The following ACSM3 variants were observed in gnomAD, a reference collection of about 807,000 sequenced individuals.
ACSM3 encodes acyl-coenzyme A synthetase ACSM3, mitochondrial.
A neutral mutation model predicts 74.1 loss-of-function variants in ACSM3; 61 were observed. The observed-to-expected ratio is 0.82, with a 90% CI of 0.67 to 1.02. The LOEUF (loss-of-function observed/expected upper bound fraction) is 1.02, where lower values mean the gene tolerates loss of function less well. Ranked by LOEUF, ACSM3 falls within the 50% of genes least tolerant of loss-of-function variation. ACSM3 has a pLI of 0.00. For synonymous variants in ACSM3, 213 were observed against 241.5 expected (o/e 0.88, Z 1.09); for missense variants, 660 against 697.0 (o/e 0.95, Z 0.60).
At position 20,785,041 on chromosome 16, in the gene ACSM3, C is replaced by T. The variant is rs139667199; in HGVS notation, c.1077C>T (p.Asp359=). 5.8e-5 allele frequency: 93 copies of T among 1,613,556 alleles called. 1 individual carries two copies. Among genetic ancestry groups the T allele is most frequent in the Non-Finnish European group, 6.8e-5 (80 of 1,179,774 alleles). The change falls in exon 8 of 14, where the codon GAC becomes GAT. Residue 359 remains aspartate (D), a synonymous_variant. Transcript: ENST00000289416. ...CVSAGEPITP[D]VTEKWRNKTG... ...GTGCTGGGGAACCAATTACCCCTGACGTGACTGAAAAATGGAGAAACAAGA... is the reference window on the plus strand; with the variant it reads ...GTGCTGGGGAACCAATTACCCCTGATGTGACTGAAAAATGGAGAAACAAGA...
chr16:20,682,255 C>G, intron 1 of ACSM3: 1 of 1,612,654 alleles, frequency 6.2e-7, no homozygotes, highest in South Asian at 1.1e-5. Context: ...CAGAGACTCA[C>G]TTAACCAGCG....
At chr16:20,719,430 G>C (rs1288265189) in intron 1 of ACSM3, 1 of 229,708 alleles carries the variant, frequency 4.4e-6, no homozygotes, top group Non-Finnish European at 9.5e-6. Context: ...GCTCTTCCTT[G>C]TCTCCCATAA....
intron 1 of ACSM3, among the ~76,000 whole-genome samples, chr16:20,704,749 T>C (rs1003857366): frequency 5.3e-5 from 8 of 152,180 alleles, no homozygotes. Flanking sequence ...ACAGGATGAC[T>C]TCATAAAAGA....
At chr16:20,759,723 C>A (rs571152805), upstream of ACSM3, among the ~76,000 whole-genome samples, 1 of 152,214 alleles carries the variant, frequency 6.6e-6, no homozygotes, top group African/African-American at 2.4e-5. Flanking sequence ...CATCTGTATC[C>A]TTTGTAATAT....
chr16:20,745,881 C>T (rs963960721), intron 1 of ACSM3, among the ~76,000 whole-genome samples: 2 of 152,196 alleles, frequency 1.3e-5, no homozygotes, highest in Non-Finnish European at 2.9e-5. Flanking sequence ...CCTTGCTCCC[C>T]ATCCACACTT....
Position 20,675,007 on chromosome 16 carries a change from G to A in ACSM3, c.-190+185G>A, listed in dbSNP as rs114478494. ...AAAGTGGTTCACTGGTGGAGAAAATGGGCCGATACAGCGGCAAGTGCAGCA... is the reference window on the plus strand; with the variant it reads ...AAAGTGGTTCACTGGTGGAGAAAATAGGCCGATACAGCGGCAAGTGCAGCA... On this transcript the variant is annotated intron_variant, in intron 1 of 3. Coordinates refer to the ACSM3 transcript ENST00000561584. 5.6e-3 allele frequency among the ~76,000 whole-genome samples: 857 copies of A among 152,302 alleles called. 6 individuals are homozygous for A. The highest frequency in any genetic ancestry group is 0.019 in the African/African-American group (796 of 41,556).
At chr16:20,710,008 T>C (rs1403375474) in intron 1 of ACSM3, among the ~76,000 whole-genome samples, 1 of 152,240 alleles carries the variant, frequency 6.6e-6, no homozygotes, top group Non-Finnish European at 1.5e-5. Context: ...ATACTATATA[T>C]ACACTCCACT....
intron 1 of ACSM3, among the ~76,000 whole-genome samples, chr16:20,717,137 C>T (rs764431070): frequency 1.4e-4 from 21 of 152,186 alleles, no homozygotes; most frequent in Non-Finnish European, 2.6e-4. Flanking sequence ...GCTATGGTAG[C>T]TCCAGACATC....
intron 1 of ACSM3, chr16:20,680,945 A>G (rs1326062974): frequency 6.6e-6 from 1 of 152,252 alleles, no homozygotes; most frequent in East Asian, 1.9e-4. Context: ...GGGAACTCTT[A>G]TGGTATCCAG....
chr16:20,683,646 C>CTTT (rs36182498), intron 1 of ACSM3, among the ~76,000 whole-genome samples: 1,475 of 136,812 alleles, frequency 0.011, 26 homozygotes, highest in African/African-American at 0.039. Context: ...CAGCTCAAGT[C>CTTT]TTTTTTTTTT....
chr16:20,760,333 A>G (rs2080067191), upstream of ACSM3, among the ~76,000 whole-genome samples: 2 of 152,284 alleles, frequency 1.3e-5, no homozygotes, highest in African/African-American at 4.8e-5. Flanking sequence ...GAGAGACTGA[A>G]AAAGGTTCAG....
intron 1 of ACSM3, among the ~76,000 whole-genome samples, chr16:20,693,360 C>G (rs564726859): frequency 6.6e-6 from 1 of 152,112 alleles, no homozygotes; most frequent in African/African-American, 2.4e-5. Flanking sequence ...GCCAACATGA[C>G]AGCAGGAACC....
upstream of ACSM3, among the ~76,000 whole-genome samples, chr16:20,762,788 T>C (rs913158014): frequency 2.6e-5 from 4 of 152,202 alleles, no homozygotes; most frequent in African/African-American, 9.7e-5. Flanking sequence ...ATAAAGGGCA[T>C]CTACACAAAA....
chr16:20,729,272 T>G, intron 1 of ACSM3: 1 of 1,285,450 alleles, frequency 7.8e-7, no homozygotes, highest in South Asian at 1.2e-5. Flanking sequence ...GGGAGATTTT[T>G]ATGTCACTGG....
intron 1 of ACSM3, among the ~76,000 whole-genome samples, chr16:20,739,744 C>A (rs748998178): frequency 6.6e-6 from 1 of 151,664 alleles, no homozygotes; most frequent in Non-Finnish European, 1.5e-5. Context: ...TCGCTTGAAC[C>A]CAGAAGGCAG....
In ACSM3 at chr16:20,796,496, A is replaced by G; in HGVS notation, c.1674+7A>G. 3 of 1,610,304 alleles carry G rather than the reference A, an allele frequency of 1.9e-6. No homozygotes were observed. Among genetic ancestry groups the G allele is most frequent in the Non-Finnish European group, 2.5e-6 (3 of 1,179,192 alleles). On this transcript the variant is annotated splice_region_variant and intron_variant, in intron 13 of 13. Coordinates refer to ENST00000289416, the MANE Select transcript of ACSM3 (RefSeq NM_005622.4). ...TTACAAATATCCCAGAAAGGTAGGC[A>G]TCCTAATTATAACGAATATTTGCTC...
intron 1 of ACSM3, among the ~76,000 whole-genome samples, chr16:20,713,465 C>G (rs1218378278): frequency 1.3e-5 from 2 of 151,796 alleles, no homozygotes; most frequent in African/African-American, 4.8e-5. Flanking sequence ...ATACGAATAC[C>G]AAAAATAAAA....
intron 6 of ACSM3, 119 bp from the exon 7 acceptor site, chr16:20,781,588 AG>A: frequency 1.3e-6 from 1 of 795,730 alleles, no homozygotes; most frequent in South Asian, 1.5e-5. Context: ...CTACAAGAAA[AG>A]GTAAGAATGT....
chr16:20,713,770 AT>A (rs1407962352), intron 1 of ACSM3, among the ~76,000 whole-genome samples: 1 of 152,078 alleles, frequency 6.6e-6, no homozygotes. Flanking sequence ...AAATGTGCAT[AT>A]TTTGGGGGTA....
Sources: allele counts gnomAD v4.1 joint callset (sites outside exome capture counted in the v4.1 genomes callset), GRCh38; gene constraint gnomAD v4.1.1; transcripts MANE v1.5; gene names NCBI Gene and HGNC (gene_info 2026-07-23, HGNC 2026-07-21).